The following HMCN2 variants were observed in gnomAD, a reference collection of about 807,000 sequenced individuals.
The protein encoded by HMCN2 is hemicentin 2, also known as hemicentin-2.
A neutral mutation model predicts 377.5 loss-of-function variants in HMCN2; 325 were observed. The observed-to-expected ratio is 0.86, with a 90% CI of 0.79 to 0.94. The LOEUF (loss-of-function observed/expected upper bound fraction) is 0.94. Among genes scored for constraint, HMCN2 ranks in the 40% least tolerant of loss-of-function variants. The probability of loss-of-function intolerance (pLI) is 0.00; values close to 1 mark genes in which losing one functional copy is unlikely to be tolerated. For missense variants in HMCN2, 4,543 were observed against 4,725.3 expected, an observed-to-expected ratio of 0.96 and a Z score of 1.13; for synonymous variants, 2,007 against 2,046.8, an observed-to-expected ratio of 0.98 and a Z score of 0.53.
Position 130,356,080 on chromosome 9 carries a change from C to A in HMCN2, c.5256-8C>A. On this transcript the variant is annotated splice_polypyrimidine_tract_variant and splice_region_variant and intron_variant, in intron 33 of 97. Transcript: ENST00000683500. ...AGGTTGACACGCCCCCCTCCCTACT[C>A]ACCTTAGGTGGCTGCAGAATGGCCG... 7.9e-7 allele frequency: 1 copy of A among 1,268,664 alleles called. No individual in the cohort carries two copies. Among genetic ancestry groups the A allele is most frequent in the Non-Finnish European group, 1.0e-6 (1 of 974,342 alleles). The allele number at this position is 1,268,664 out of a possible 1,614,324, so 78.6% of individuals were successfully genotyped here.
At chr9:130,420,433 C>T (rs1843939737) in intron 86 of HMCN2, among the ~76,000 whole-genome samples, 1 of 152,300 alleles carries the variant, frequency 6.6e-6, no homozygotes. Context: ...GAGCTATGTA[C>T]ATGGCCTTTG....
At chr9:130,392,791 T>C (rs550431865) in intron 66 of HMCN2, among the ~76,000 whole-genome samples, 20 of 152,108 alleles carry the variant, frequency 1.3e-4, no homozygotes, top group Admixed American at 4.6e-4. Flanking sequence ...GGTCAGGAGA[T>C]CAAGACCATC....
At position 130,408,823 on chromosome 9, in the gene HMCN2, C is replaced by T. The variant is rs7025670; in HGVS notation, c.12769C>T (p.Arg4257Cys). 3,828 of 1,289,750 alleles carry T rather than the reference C, an allele frequency of 3.0e-3. 72 individuals carry two copies. The African/African-American group carries it at 0.042, about 14-fold the overall frequency. The allele number at this position is 1,289,750 out of a possible 1,614,324, so 79.9% of individuals were successfully genotyped here. A position where few individuals can be genotyped will look rare whatever the true frequency, so the allele number is the denominator to read the frequency against. Residue 4257 changes from arginine (R) to cysteine (C), a missense_variant, in exon 84 of 98, where the codon CGT becomes TGT. Coordinates refer to ENST00000683500, the MANE Select transcript of HMCN2 (RefSeq NM_001291815.2). ...GGSIQLDCVV[R>C]GDPVPDIHWI... Reference sequence around the variant, plus strand: ...CAGCATTCAGCTAGACTGTGTGGTGCGTGGAGACCCAGTGCCGGACATCCA... The same window carrying T: ...CAGCATTCAGCTAGACTGTGTGGTGTGTGGAGACCCAGTGCCGGACATCCA...
At chr9:130,374,714 G>C in intron 49 of HMCN2, 21 bp downstream of exon 49, 1 of 984,728 alleles carries the variant, frequency 1.0e-6, no homozygotes, top group Non-Finnish European at 1.2e-6. Context: ...GGCATCTCCT[G>C]GCCACCGCGG....
chr9:130,326,603 A>C (rs1838146947), intron 21 of HMCN2, among the ~76,000 whole-genome samples: 1 of 151,970 alleles, frequency 6.6e-6, no homozygotes, highest in Non-Finnish European at 1.5e-5. Context: ...AAAATTCCTA[A>C]TGGGGGAGCA....
Position 130,383,613 on chromosome 9 carries a change from G to A in HMCN2, c.8830+13G>A. On this transcript the variant is annotated intron_variant, in intron 57 of 97. Transcript: ENST00000683500. Reference sequence around the variant, plus strand: ...CTCAGGGTTCAAGGTGAGCTGGGCTGAGCAGGCAGCCCCTGTGGGTTCCTT... The same window carrying A: ...CTCAGGGTTCAAGGTGAGCTGGGCTAAGCAGGCAGCCCCTGTGGGTTCCTT... 5.1e-6 allele frequency: 5 copies of A among 984,620 alleles called. No homozygotes were observed. The highest frequency in any genetic ancestry group is 1.7e-5 in the African/African-American group (1 of 57,294). The allele number at this position is 984,620 out of a possible 1,614,324, so 61.0% of individuals were successfully genotyped here.
In HMCN2 at chr9:130,349,559, CG is replaced by C. The variant is rs1839585207; in HGVS notation, c.4330del (p.Ala1444ProfsTer6). On this transcript the variant is annotated frameshift_variant, in exon 29 of 98. Transcript: ENST00000683500. LOFTEE classifies it high-confidence loss of function. ...CAGCCCCTCCTTCCGTGCTTGGAGC[CG>C]GGGCCGCTCAGGAGGTGCTAGGATT... ...VLTPPSVLGA[G>X]AAQEVLGLAG... The C allele has an allele frequency of 1.5e-6, 2 of 1,303,294 alleles. No individual in the cohort carries two copies. The highest frequency in any genetic ancestry group is 2.5e-5 in the South Asian group (2 of 80,976). The allele number at this position is 1,303,294 out of a possible 1,614,324, so 80.7% of individuals were successfully genotyped here.
At chr9:130,387,218 C>G (rs1842071426) in intron 61 of HMCN2, among the ~76,000 whole-genome samples, 1 of 152,192 alleles carries the variant, frequency 6.6e-6, no homozygotes, top group Non-Finnish European at 1.5e-5. Flanking sequence ...GGAAACTTGG[C>G]CAGATTTTCT....
At chr9:130,424,638 C>T in intron 87 of HMCN2, 138 bp from the exon 88 acceptor site, 1 of 837,502 alleles carries the variant, frequency 1.2e-6, no homozygotes, top group East Asian at 3.3e-5. Flanking sequence ...GCATGGCAGT[C>T]ACAAGGCTGA....
rs1337000407 is a variant in HMCN2, at chr9:130,416,107, T to TA, written c.12962-2665_12962-2664insA. On this transcript the variant is annotated intron_variant, in intron 85 of 97. Coordinates refer to ENST00000683500, the MANE Select transcript of HMCN2 (RefSeq NM_001291815.2). ...CAAAGTTCTAGAGGCTTTATTTTTT[T>TA]TTTTTTTTTTTTTTGGAGACAGAGT... Among the ~76,000 whole-genome samples the TA allele has an allele frequency of 1.7e-3, 252 of 147,066 alleles. 3 individuals carry two copies. The highest frequency in any genetic ancestry group is 5.3e-3 in the African/African-American group (213 of 40,042).
rs563357157 is a variant in HMCN2 at position 130,420,776 on chromosome 9, TC to T, written c.13231+1736del. Among the ~76,000 whole-genome samples, 343 of 152,254 alleles carry T rather than the reference TC, an allele frequency of 2.3e-3. 1 individual carries two copies. The highest frequency in any genetic ancestry group is 3.5e-3 in the Non-Finnish European group (236 of 68,010). On this transcript the variant is annotated intron_variant, in intron 86 of 97. Transcript: ENST00000683500. ...ATTAGGCCTGCCCTAATGACCTCAT[TC>T]TAACTTGACTTACTCTATAAAGACC...
chr9:130,317,550 A>G (rs1837628833), intron 15 of HMCN2, among the ~76,000 whole-genome samples: 3 of 148,022 alleles, frequency 2.0e-5, no homozygotes, highest in African/African-American at 2.5e-5. Flanking sequence ...GCTGGAGTGC[A>G]GTGGTGCTAT....
chr9:130,430,337 C>T lies in HMCN2; in HGVS notation c.14380C>T (p.Leu4794Phe). Reference sequence around the variant, plus strand: ...GGCCTGCGCCTACCAGTGCCACAACCTCCAGGGCAGCTACCGCTGCCTGTG... The same window carrying T: ...GGCCTGCGCCTACCAGTGCCACAACTTCCAGGGCAGCTACCGCTGCCTGTG... ...PKACAYQCHNLQGSYRCLCPP... is the reference protein window; with the variant it reads ...PKACAYQCHNFQGSYRCLCPP... Residue 4794 changes from leucine to phenylalanine, a missense_variant, in exon 95 of 98, where the codon CTC becomes TTC. Transcript: ENST00000683500. 6.5e-7 allele frequency: 1 copy of T among 1,547,756 alleles called. No individual in the cohort carries two copies. The highest frequency in any genetic ancestry group is 8.7e-7 in the Non-Finnish European group (1 of 1,146,910).
intron 84 of HMCN2, among the ~76,000 whole-genome samples, chr9:130,410,056 G>A (rs1352675946): frequency 6.6e-6 from 1 of 152,202 alleles, no homozygotes; most frequent in Non-Finnish European, 1.5e-5. Flanking sequence ...TTGCACACTG[G>A]CACAATAAAT....
intron 56 of HMCN2, 58 bp from the exon 57 acceptor site, chr9:130,383,446 G>C: frequency 3.9e-6 from 3 of 766,564 alleles, no homozygotes; most frequent in Non-Finnish European, 4.8e-6. Context: ...CATTCCTGGG[G>C]GTGGTGGTGT....
intron 15 of HMCN2, among the ~76,000 whole-genome samples, chr9:130,314,547 G>A (rs1461976201): frequency 2.0e-5 from 3 of 152,132 alleles, no homozygotes; most frequent in Non-Finnish European, 4.4e-5. Context: ...AGGCCCAATC[G>A]CAGCATTCCC....
intron 22 of HMCN2, among the ~76,000 whole-genome samples, chr9:130,337,604 G>C (rs1838821669): frequency 6.6e-6 from 1 of 152,154 alleles, no homozygotes; most frequent in Non-Finnish European, 1.5e-5. Flanking sequence ...TCCAAGAGGT[G>C]AAGCAACTTG....
Position 130,394,593 on chromosome 9 carries a change from A to G in HMCN2, c.10692+18A>G, listed in dbSNP as rs1392977943. ...ATGTGCAGGTACCAGTGCCGCCGCC[A>G]TGGGGCGAGGCTGGGGGTTGGGGGA... On this transcript the variant is annotated intron_variant, in intron 69 of 97. Coordinates refer to ENST00000683500, the MANE Select transcript of HMCN2 (RefSeq NM_001291815.2). This position sits in a 1 kb window ranked among gnomAD's most constrained non-coding sequence, Gnocchi z 5.1. 7.9e-7 allele frequency: 1 copy of G among 1,271,114 alleles called. No homozygotes were observed. Among genetic ancestry groups the G allele is most frequent in the Admixed American group, 2.3e-5 (1 of 42,584 alleles). The allele number at this position is 1,271,114 out of a possible 1,614,324, so 78.7% of individuals were successfully genotyped here. A position where few individuals can be genotyped will look rare whatever the true frequency, so the allele number is the denominator to read the frequency against.
At chr9:130,340,031 C>T (rs915650826) in intron 23 of HMCN2, among the ~76,000 whole-genome samples, 2 of 152,224 alleles carry the variant, frequency 1.3e-5, no homozygotes, top group African/African-American at 2.4e-5. Context: ...AGCTCCTATC[C>T]CCTGAGGGAG....
Sources: gnomAD v4.1 joint callset for allele counts (sites outside exome capture counted in the v4.1 genomes callset) on GRCh38, gnomAD v4.1.1 for gene constraint, Gnocchi (gnomAD v3.1) non-coding constraint, MANE v1.5 for transcripts, NCBI Gene and HGNC (gene_info 2026-07-23, HGNC 2026-07-21) for gene names.